The following CLASRP variants were observed in gnomAD, a reference collection of about 807,000 sequenced individuals.
The protein encoded by CLASRP is CLK4 associating serine/arginine rich protein.
In CLASRP, 52 loss-of-function variants were observed where a neutral mutation model predicts 99.9. The ratio of observed to expected loss-of-function variants is 0.52; its 90% CI spans 0.42 to 0.66. The LOEUF (loss-of-function observed/expected upper bound fraction) is 0.66, where lower values mean the gene tolerates loss of function less well. CLASRP is among the 30% of genes least tolerant of loss of function. The pLI is 0.00. For synonymous variants in CLASRP, 379 were observed against 373.0 expected (o/e 1.02, Z -0.18); for missense variants, 848 against 999.2 (o/e 0.85, Z 2.04).
intron 13 of CLASRP, among the ~76,000 whole-genome samples, chr19:45,065,059 C>G (rs757603282): frequency 6.6e-6 from 1 of 151,992 alleles, no homozygotes; most frequent in African/African-American, 2.4e-5. Flanking sequence ...TCCTGTGTGG[C>G]CAGGAGCGGA....
Position 45,068,414 on chromosome 19 carries a change from C to A in CLASRP, c.1708-6C>A. 1 of 1,599,730 alleles carries A rather than the reference C, an allele frequency of 6.3e-7. No individual in the cohort carries two copies. Among genetic ancestry groups the A allele is most frequent in the South Asian group, 1.1e-5 (1 of 90,760 alleles). On this transcript the variant is annotated splice_polypyrimidine_tract_variant and splice_region_variant and intron_variant, in intron 15 of 20. Coordinates refer to ENST00000221455, the MANE Select transcript of CLASRP (RefSeq NM_007056.3). The stretch of plus-strand genomic sequence containing the variant: ...CCCTCTCCCGCCTCTTCTCCCCCCT[C>A]CCCAGCCCAAGCTGACGCCTCAGGA...
chr19:45,068,311 T>TACCCC, intron 15 of CLASRP, 109 bp from the exon 16 acceptor site: 30 of 543,480 alleles, frequency 5.5e-5, no homozygotes, highest in East Asian at 1.3e-4. Context: ...CACGTCGTTC[T>TACCCC]CCCCCCCCCA....
intron 11 of CLASRP, among the ~76,000 whole-genome samples, chr19:45,063,173 T>G (rs1337992325): frequency 1.3e-5 from 2 of 151,998 alleles, no homozygotes; most frequent in African/African-American, 4.8e-5. Flanking sequence ...ACGTTTGTTT[T>G]TTTTTTCTTT....
intron 10 of CLASRP, among the ~76,000 whole-genome samples, chr19:45,061,148 G>A (rs553527781): frequency 6.6e-6 from 1 of 152,354 alleles, no homozygotes; most frequent in South Asian, 2.1e-4. Context: ...GGGTCAGGAG[G>A]CCTTGAGGAG....
intron 11 of CLASRP, among the ~76,000 whole-genome samples, 190 bp downstream of exon 11, chr19:45,062,385 A>T (rs1327570476): frequency 2.0e-5 from 3 of 150,756 alleles, no homozygotes; most frequent in South Asian, 2.1e-4. Flanking sequence ...TTTAAATAAA[A>T]TTTTTTTTTT....
chr19:45,064,214 A>T lies in CLASRP; in HGVS notation c.1108A>T (p.Asn370Tyr), dbSNP rs1365637350. Reference protein sequence around the residue: ...PQPGGPAPGRNASARRRSSSS... With the variant: ...PQPGGPAPGRYASARRRSSSS... ...GCCTGGCGGCCCCGCCCCGGGACGT[A>T]ATGCCAGCGCCCGGTCGGTAACGCT... is the stretch of plus-strand genomic sequence containing the variant. The change falls in exon 12 of 21, where the codon AAT becomes TAT. Residue 370 changes from asparagine to tyrosine, a missense_variant. This residue lies in a region of CLASRP where 489 missense variants were observed against 434.7 expected (regional missense o/e 1.12). Coordinates refer to ENST00000221455, the MANE Select transcript of CLASRP (RefSeq NM_007056.3). 6.3e-7 allele frequency: 1 copy of T among 1,596,558 alleles called. No homozygotes were observed. Among genetic ancestry groups the T allele is most frequent in the Non-Finnish European group, 8.5e-7 (1 of 1,172,896 alleles).
rs1971986065 is a variant in CLASRP, at chr19:45,049,697, T to C, written c.100-2374T>C. On this transcript the variant is annotated intron_variant, in intron 2 of 20. Transcript: ENST00000221455. ...TTCCTGAAGGGGCTCAGAGTCTTCA[T>C]CTGTTAGTAAGGATTATTCCTGTCT... Among the ~76,000 whole-genome samples, 2 of 152,168 alleles carry C rather than the reference T, an allele frequency of 1.3e-5. 1 individual carries two copies. The highest frequency in any genetic ancestry group is 4.1e-4 in the South Asian group (2 of 4,828).
At chr19:45,061,631 G>C (rs943156631) in intron 10 of CLASRP, among the ~76,000 whole-genome samples, 38 of 152,078 alleles carry the variant, frequency 2.5e-4, no homozygotes, top group Non-Finnish European at 1.6e-4. Context: ...ACCACGCCCA[G>C]CTAATTAAAA....
intron 2 of CLASRP, among the ~76,000 whole-genome samples, chr19:45,043,632 A>G (rs1249818471): frequency 6.6e-6 from 1 of 152,152 alleles, no homozygotes; most frequent in East Asian, 1.9e-4. Flanking sequence ...TGAGAGATGC[A>G]GGATTTTTTT....
chr19:45,057,679 G>A, intron 6 of CLASRP, 71 bp from the exon 7 acceptor site: 1 of 1,578,124 alleles, frequency 6.3e-7, no homozygotes, highest in East Asian at 2.2e-5. Context: ...CTCGAGACTG[G>A]TGTGTGGGGC....
intron 2 of CLASRP, among the ~76,000 whole-genome samples, chr19:45,049,505 GGC>G: frequency 6.6e-6 from 1 of 152,184 alleles, no homozygotes; most frequent in Non-Finnish European, 1.5e-5. Context: ...CCCAGCACCT[GGC>G]ACATAGTGAG....
chr19:45,047,070 C>T (rs1489737442), intron 2 of CLASRP, among the ~76,000 whole-genome samples: 13 of 151,986 alleles, frequency 8.6e-5, no homozygotes, highest in African/African-American at 2.9e-4. Flanking sequence ...GGTACTTATA[C>T]ACTTATGTTC....
intron 12 of CLASRP, 49 bp downstream of exon 12, chr19:45,064,276 G>A (rs1188831255): frequency 2.6e-6 from 4 of 1,527,458 alleles, no homozygotes; most frequent in South Asian, 2.5e-5. Context: ...ACCATGGGGG[G>A]TACCCGGGGC....
chr19:45,053,652 G>C (rs1222177284), intron 5 of CLASRP, among the ~76,000 whole-genome samples: 2 of 152,052 alleles, frequency 1.3e-5, no homozygotes, highest in East Asian at 3.9e-4. Flanking sequence ...TTAGTTTTTT[G>C]TATTTTTAGT....
At chr19:45,068,983 C>T (rs531071534) in intron 16 of CLASRP, 83 bp from the exon 17 acceptor site, 13 of 1,237,972 alleles carry the variant, frequency 1.1e-5, no homozygotes, top group South Asian at 6.3e-5. Context: ...GAGCGAGACT[C>T]TGTCTCAAAA....
At chr19:45,062,413 T>C (rs1458637845) in intron 11 of CLASRP, among the ~76,000 whole-genome samples, 9 of 152,262 alleles carry the variant, frequency 5.9e-5, no homozygotes, top group Non-Finnish European at 2.9e-5. Flanking sequence ...AGTCTCGCTA[T>C]GTCGCCCAGG....
At position 45,060,580 on chromosome 19, in the gene CLASRP, A is replaced by G; in HGVS notation, c.816A>G (p.Arg272=). The G allele has an allele frequency of 6.2e-7, 1 of 1,612,494 alleles. No homozygotes were observed. The change falls in exon 10 of 21, where the codon AGA becomes AGG. Residue 272 remains arginine, a synonymous_variant. Coordinates refer to ENST00000221455, the MANE Select transcript of CLASRP (RefSeq NM_007056.3). The surrounding 1 kb of genome is among the most constrained non-coding windows in gnomAD (Gnocchi z 4.6). ...GACGCCGCTCTCGACGCCAGCGGAG[A>G]GAGTTTCGGGAGAAGCGGCTGAGGG... ...YSGRRSRRQR[R]EFREKRLRGR...
At chr19:45,068,090 C>A in intron 15 of CLASRP, 36 bp downstream of exon 15, 1 of 1,607,222 alleles carries the variant, frequency 6.2e-7, no homozygotes, top group Non-Finnish European at 8.5e-7. Context: ...GTCTAATTCC[C>A]GTCAGCAGCA....
At chr19:45,065,463 A>G (rs1186900882) in intron 13 of CLASRP, among the ~76,000 whole-genome samples, 5 of 150,826 alleles carry the variant, frequency 3.3e-5, no homozygotes, top group Non-Finnish European at 5.9e-5. Context: ...CAGGAGGCTG[A>G]GGCACGAGAA....
Sources: allele counts gnomAD v4.1 joint callset (sites outside exome capture counted in the v4.1 genomes callset), GRCh38; gene constraint gnomAD v4.1.1; regional missense constraint gnomAD v4.1.1; non-coding constraint Gnocchi (gnomAD v3.1); transcripts MANE v1.5; gene names NCBI Gene and HGNC (gene_info 2026-07-23, HGNC 2026-07-21).